The following BRD10 variants were observed in gnomAD, a reference collection of about 807,000 sequenced individuals.
BRD10 encodes bromodomain containing 10, also known as uncharacterized bromodomain-containing protein 10.
At chr9:5,896,046 G>A in the BRD10 span, among the ~76,000 whole-genome samples, 1 of 152,220 alleles carries the variant, frequency 6.6e-6, no homozygotes, top group Non-Finnish European at 1.5e-5. Flanking sequence ...AGGAAAGAGT[G>A]ACTCTGCAGG....
the BRD10 span, among the ~76,000 whole-genome samples, chr9:5,955,221 T>C: frequency 1.3e-5 from 2 of 151,958 alleles, no homozygotes. Context: ...CAGGACACTG[T>C]ACAAGCTACG....
At chr9:5,930,888 GTAAC>G in the BRD10 span, among the ~76,000 whole-genome samples, 1 of 152,146 alleles carries the variant, frequency 6.6e-6, no homozygotes, top group Non-Finnish European at 1.5e-5. Context: ...TGAACAGGAA[GTAAC>G]TTTCATCTAG....
chr9:5,966,650 G>C, the BRD10 span, among the ~76,000 whole-genome samples: 1 of 151,612 alleles, frequency 6.6e-6, no homozygotes. Context: ...ATTAGAGACA[G>C]GGTTTCACCA....
chr9:6,006,390 A>T, the BRD10 span, among the ~76,000 whole-genome samples: 2 of 152,226 alleles, frequency 1.3e-5, no homozygotes, highest in Non-Finnish European at 2.9e-5. Context: ...AAAACATTGA[A>T]TTTTTCCACT....
At chr9:5,936,099 T>C in the BRD10 span, among the ~76,000 whole-genome samples, 90,307 of 151,994 alleles carry the variant, frequency 0.59, 28,159 homozygotes, top group Non-Finnish European at 0.72. Flanking sequence ...CTTATGCTTA[T>C]AGTCGCAGCA....
At chr9:5,884,870 G>A in the BRD10 span, among the ~76,000 whole-genome samples, 1 of 152,164 alleles carries the variant, frequency 6.6e-6, no homozygotes, top group Admixed American at 6.5e-5. Context: ...CGAGACTTGG[G>A]CCATGTTCTC....
the BRD10 span, among the ~76,000 whole-genome samples, chr9:5,971,187 A>G: frequency 6.6e-6 from 1 of 152,158 alleles, no homozygotes; most frequent in African/African-American, 2.4e-5. Context: ...AATTAGATAA[A>G]TGCAAATCAA....
chr9:5,953,024 T>C, the BRD10 span, among the ~76,000 whole-genome samples: 29,192 of 152,144 alleles, frequency 0.19, 3,023 homozygotes, highest in Middle Eastern at 0.29. Flanking sequence ...TCTTTAACTG[T>C]TGATTTAAAA....
chr9:6,007,767 C>T, the BRD10 span: 1 of 1,566,672 alleles, frequency 6.4e-7, no homozygotes. Flanking sequence ...CCATCGCTCC[C>T]GGCGTCCCGG....
the BRD10 span, among the ~76,000 whole-genome samples, chr9:5,914,936 A>G: frequency 1.3e-5 from 2 of 152,148 alleles, no homozygotes; most frequent in Non-Finnish European, 2.9e-5. Context: ...GTGAATAACA[A>G]TATGTACCTC....
the BRD10 span, among the ~76,000 whole-genome samples, chr9:5,951,684 G>C: frequency 6.6e-6 from 1 of 152,106 alleles, no homozygotes; most frequent in African/African-American, 2.4e-5. Flanking sequence ...TCTTACATGT[G>C]GAAGACTCAA....
At chr9:5,962,128 T>G in the BRD10 span, among the ~76,000 whole-genome samples, 1 of 152,172 alleles carries the variant, frequency 6.6e-6, no homozygotes, top group Admixed American at 6.6e-5. Context: ...TGCTATAAAT[T>G]TCCCTCTACA....
At chr9:5,950,534 T>C in the BRD10 span, among the ~76,000 whole-genome samples, 37 of 152,198 alleles carry the variant, frequency 2.4e-4, no homozygotes, top group African/African-American at 8.9e-4. Flanking sequence ...TTAACCACTA[T>C]GCAGATTACT....
the BRD10 span, among the ~76,000 whole-genome samples, chr9:5,995,858 C>G: frequency 6.6e-6 from 1 of 152,152 alleles, no homozygotes; most frequent in South Asian, 2.1e-4. Flanking sequence ...AAAGAACACG[C>G]TAACAATTTG....
chr9:5,894,032 C>T, the BRD10 span, among the ~76,000 whole-genome samples: 1 of 152,020 alleles, frequency 6.6e-6, no homozygotes, highest in South Asian at 2.1e-4. This position sits in a 1 kb window ranked among gnomAD's most constrained non-coding sequence, Gnocchi z 4.0. Flanking sequence ...AAATCCAGGT[C>T]TGTTTGCCTC....
At chr9:5,987,478 G>C in the BRD10 span, among the ~76,000 whole-genome samples, 2 of 151,796 alleles carry the variant, frequency 1.3e-5, no homozygotes, top group East Asian at 1.9e-4. Context: ...CTTTCCTATA[G>C]TAGGAGTAGT....
At chr9:5,940,900 TTTAA>T in the BRD10 span, among the ~76,000 whole-genome samples, 1 of 152,206 alleles carries the variant, frequency 6.6e-6, no homozygotes, top group African/African-American at 2.4e-5. Context: ...ACATTTAAAA[TTTAA>T]TTATCAATAT....
the BRD10 span, among the ~76,000 whole-genome samples, chr9:5,883,080 G>A: frequency 6.6e-6 from 1 of 151,986 alleles, no homozygotes; most frequent in African/African-American, 2.4e-5. Flanking sequence ...AATGGGTGCA[G>A]CACACCAACA....
the BRD10 span, chr9:5,922,105 G>A: frequency 6.2e-7 from 1 of 1,613,972 alleles, no homozygotes; most frequent in South Asian, 1.1e-5. Context: ...TTTGATCTGG[G>A]TTGGTCTGTA....
Sources: allele counts gnomAD v4.1 joint callset (sites outside exome capture counted in the v4.1 genomes callset), GRCh38; gene constraint gnomAD v4.1.1; non-coding constraint Gnocchi (gnomAD v3.1); transcripts MANE v1.5; gene names NCBI Gene and HGNC (gene_info 2026-07-23, HGNC 2026-07-21).